The following NRXN3 variants were observed in gnomAD, a reference collection of about 807,000 sequenced individuals.
NRXN3 encodes the protein neurexin III.
A neutral mutation model predicts 137.6 loss-of-function variants in NRXN3; 32 were observed. The ratio of observed to expected loss-of-function variants is 0.23; its 90% confidence interval spans 0.18 to 0.31. NRXN3 has a LOEUF of 0.31. Ranked by LOEUF, NRXN3 falls within the 10% of genes least tolerant of loss-of-function variation. The pLI, the probability that NRXN3 is intolerant of heterozygous loss-of-function variation, is 1.00. For missense variants in NRXN3, 1,574 were observed against 2,062.5 expected, an observed-to-expected ratio of 0.76 and a Z score of 4.59; for synonymous variants, 798 against 784.5, an observed-to-expected ratio of 1.02 and a Z score of -0.29.
chr14:78,666,095 C>T, intron 6 of NRXN3, among the ~76,000 whole-genome samples: 1 of 151,912 alleles, frequency 6.6e-6, no homozygotes, highest in Non-Finnish European at 1.5e-5. Context: ...TATATTTTTT[C>T]TTTTAAAAAT....
In NRXN3 at chr14:78,417,911, C is replaced by G. The variant is rs370400406; in HGVS notation, c.757+120051C>G. ...AGCTGGAATTACAGGTGCATGCCAC[C>G]ACGCCCAGCTAATTTTTGTATTTTT... On this transcript the variant is annotated intron_variant, in intron 4 of 20. Coordinates refer to ENST00000335750, the MANE Select transcript of NRXN3 (RefSeq NM_001330195.2). Among the ~76,000 whole-genome samples the G allele has an allele frequency of 1.8e-4, 28 of 152,264 alleles. 1 individual carries two copies. Among genetic ancestry groups the G allele is most frequent in the East Asian group, 1.7e-3 (9 of 5,174 alleles).
chr14:79,787,658 C>A (rs935320280), intron 19 of NRXN3, among the ~76,000 whole-genome samples: 1 of 152,148 alleles, frequency 6.6e-6, no homozygotes, highest in African/African-American at 2.4e-5. Flanking sequence ...ATTTGTCTCT[C>A]TGTGCCTGGC....
intron 4 of NRXN3, among the ~76,000 whole-genome samples, chr14:78,375,413 C>T (rs1272964531): frequency 2.0e-5 from 3 of 152,188 alleles, no homozygotes; most frequent in Admixed American, 2.0e-4. Flanking sequence ...AGTTGTTTGG[C>T]AATTCCATGA....
chr14:79,018,242 A>G (rs1019288062), intron 15 of NRXN3, among the ~76,000 whole-genome samples: 9 of 118,854 alleles, frequency 7.6e-5, no homozygotes, highest in African/African-American at 2.9e-4. Context: ...CCTGGGTGAC[A>G]AGAGCAAAAC....
intron 19 of NRXN3, among the ~76,000 whole-genome samples, chr14:79,733,045 T>G (rs1034041359): frequency 6.6e-6 from 1 of 151,446 alleles, no homozygotes; most frequent in African/African-American, 2.4e-5. Flanking sequence ...ATCTTTGTCA[T>G]AAATCTACTA....
intron 15 of NRXN3, among the ~76,000 whole-genome samples, chr14:79,377,015 T>A (rs2094321754): frequency 6.6e-6 from 1 of 152,228 alleles, no homozygotes; most frequent in African/African-American, 2.4e-5. Flanking sequence ...TAGAAGATAC[T>A]TGAATATTCC....
At chr14:78,848,149 A>T (rs1027826338) in intron 10 of NRXN3, among the ~76,000 whole-genome samples, 2 of 152,098 alleles carry the variant, frequency 1.3e-5, no homozygotes, top group Non-Finnish European at 2.9e-5. Flanking sequence ...GGGCTTTGGT[A>T]TCTGTTGCTA....
At chr14:78,780,921 T>C (rs1322132285) in intron 8 of NRXN3, among the ~76,000 whole-genome samples, 1 of 152,198 alleles carries the variant, frequency 6.6e-6, no homozygotes, top group African/African-American at 2.4e-5. Flanking sequence ...ACATTTGGCC[T>C]CACAATTGCA....
chr14:79,591,095 C>T (rs768901980), intron 16 of NRXN3, among the ~76,000 whole-genome samples: 1 of 152,150 alleles, frequency 6.6e-6, no homozygotes, highest in African/African-American at 2.4e-5. Flanking sequence ...AACATGGGCT[C>T]TTGTACTGTC....
intron 15 of NRXN3, among the ~76,000 whole-genome samples, chr14:79,020,644 G>C (rs1006263746): frequency 1.3e-5 from 2 of 151,814 alleles, no homozygotes; most frequent in African/African-American, 4.8e-5. Flanking sequence ...TGATTAGAGG[G>C]GTGGAAGTTT....
At chr14:78,720,858 G>T (rs1298630922) in intron 8 of NRXN3, among the ~76,000 whole-genome samples, 1 of 152,180 alleles carries the variant, frequency 6.6e-6, no homozygotes, top group East Asian at 1.9e-4. Context: ...TGTAGGAAAT[G>T]AAGCTATGAT....
In NRXN3 at chr14:78,721,594, A is replaced by G. The variant is rs368517848; in HGVS notation, c.2044+6455A>G. 6.3e-4 allele frequency among the ~76,000 whole-genome samples: 96 copies of G among 152,274 alleles called. 1 individual carries two copies. Among genetic ancestry groups the G allele is most frequent in the African/African-American group, 2.3e-3 (95 of 41,554 alleles). ...GTTTAGTTATATCAGCACTGCAATC[A>G]AATTTTCATCTCCCTGATTCATTCA... On this transcript the variant is annotated intron_variant, in intron 8 of 20. Coordinates refer to ENST00000335750, the MANE Select transcript of NRXN3 (RefSeq NM_001330195.2).
chr14:78,748,972 A>T (rs1341502075), intron 8 of NRXN3, among the ~76,000 whole-genome samples: 1 of 152,236 alleles, frequency 6.6e-6, no homozygotes, highest in Non-Finnish European at 1.5e-5. Context: ...CTGTGTTCAC[A>T]TAAAAGGCAG....
At chr14:78,537,935 T>G (rs2096552066) in intron 4 of NRXN3, among the ~76,000 whole-genome samples, 1 of 152,224 alleles carries the variant, frequency 6.6e-6, no homozygotes, top group African/African-American at 2.4e-5. Flanking sequence ...TGTAGTGTTA[T>G]TTCTGAGGCC....
intron 20 of NRXN3, among the ~76,000 whole-genome samples, chr14:79,811,574 C>CTTTTTTT (rs1416276242): frequency 7.7e-6 from 1 of 129,450 alleles, no homozygotes; most frequent in Non-Finnish European, 1.6e-5. Context: ...TTTCTTTTTT[C>CTTTTTTT]TTTTTTCTTT....
intron 4 of NRXN3, among the ~76,000 whole-genome samples, chr14:78,584,805 A>G (rs910814885): frequency 7.2e-5 from 11 of 152,196 alleles, no homozygotes; most frequent in African/African-American, 2.2e-4. Flanking sequence ...CAAATCATCC[A>G]TCATTTGTGT....
intron 15 of NRXN3, among the ~76,000 whole-genome samples, chr14:79,131,433 A>T (rs1307900717): frequency 6.6e-6 from 1 of 152,020 alleles, no homozygotes; most frequent in Admixed American, 6.6e-5. Context: ...TGGAGTACCC[A>T]GCCGTGTGAG....
At chr14:78,280,014 G>A (rs2074175395) in intron 3 of NRXN3, among the ~76,000 whole-genome samples, 1 of 152,110 alleles carries the variant, frequency 6.6e-6, no homozygotes, top group Admixed American at 6.5e-5. Context: ...AATAATTGGT[G>A]TTTGAACCAA....
In NRXN3 at chr14:79,862,813, T is replaced by G. The variant is rs1177524754; in HGVS notation, c.*849T>G. Reference sequence around the variant, plus strand: ...AAAGCTGGTCCCCCAGGATCTAATTTCAGAATTTACCACCCAAACCCGGAA... The same window carrying G: ...AAAGCTGGTCCCCCAGGATCTAATTGCAGAATTTACCACCCAAACCCGGAA... On this transcript the variant is annotated 3_prime_UTR_variant, in exon 21 of 21. Coordinates refer to ENST00000335750, the MANE Select transcript of NRXN3 (RefSeq NM_001330195.2). 6.6e-6 allele frequency: 1 copy of G among 152,602 alleles called. No homozygotes were observed. The allele number at this position is 152,602 out of a possible 1,614,324, so 9.5% of individuals were successfully genotyped here. A position where few individuals can be genotyped will look rare whatever the true frequency, so the allele number is the denominator to read the frequency against.
Sources: allele counts gnomAD v4.1 joint callset (sites outside exome capture counted in the v4.1 genomes callset), GRCh38; gene constraint gnomAD v4.1.1; transcripts MANE v1.5; gene names NCBI Gene and HGNC (gene_info 2026-07-23, HGNC 2026-07-21).